GARRE1: variants seen among roughly 807,000 people sequenced by gnomAD.
GARRE1 encodes granule associated Rac and RHOG effector protein 1.
Under a neutral mutation model 103.2 loss-of-function variants are expected in GARRE1, and 49 were observed. That is an observed-to-expected ratio of 0.47 (90% CI 0.38 to 0.60). The LOEUF is 0.60. GARRE1 is among the 20% of genes least tolerant of loss of function. The probability of loss-of-function intolerance (pLI) is 0.00; values close to 1 mark genes in which losing one functional copy is unlikely to be tolerated. For missense variants in GARRE1, 1,199 were observed against 1,370.5 expected (o/e 0.87, Z 1.98); for synonymous variants, 505 against 532.8 (o/e 0.95, Z 0.72).
chr19:34,344,316 C>T (rs530535058), intron 10 of GARRE1, among the ~76,000 whole-genome samples: 132 of 152,200 alleles, frequency 8.7e-4, no homozygotes, highest in African/African-American at 3.0e-3. Flanking sequence ...CCAGGCCGGG[C>T]GCTGTGGCTC....
At chr19:34,274,428 T>A (rs2073805230) in intron 1 of GARRE1, among the ~76,000 whole-genome samples, 1 of 152,088 alleles carries the variant, frequency 6.6e-6, no homozygotes, top group Non-Finnish European at 1.5e-5. Context: ...AGGATAAGAC[T>A]GTGATTAATT....
intron 6 of GARRE1, 116 bp downstream of exon 6, chr19:34,328,267 GGCTCAC>G (rs1373019348): frequency 8.6e-5 from 99 of 1,157,490 alleles, no homozygotes; most frequent in Non-Finnish European, 1.1e-4. Flanking sequence ...CGGGCGTGGT[GGCTCAC>G]GCCTGTAATC....
chr19:34,284,866 G>A (rs1454710928), intron 1 of GARRE1, among the ~76,000 whole-genome samples: 1 of 152,168 alleles, frequency 6.6e-6, no homozygotes, highest in Non-Finnish European at 1.5e-5. Flanking sequence ...CATTTAGACA[G>A]CATTAAGAAG....
In GARRE1 at chr19:34,320,154, A is replaced by C. The variant is rs775275173; in HGVS notation, c.705+38A>C. Reference sequence around the variant, plus strand: ...TTGGGGAGATTGGTGCCTGTGTTCAAATAGGAGAGGCTCCAGAGGGCCTTT... The same window carrying C: ...TTGGGGAGATTGGTGCCTGTGTTCACATAGGAGAGGCTCCAGAGGGCCTTT... On this transcript the variant is annotated intron_variant, in intron 3 of 13. Transcript: ENST00000299505. 58 of 1,564,548 alleles carry C rather than the reference A, an allele frequency of 3.7e-5. 1 individual carries two copies. The highest frequency in any genetic ancestry group is 5.4e-5 in the African/African-American group (4 of 73,930).
chr19:34,339,381 T>G (rs2074175509), intron 8 of GARRE1, among the ~76,000 whole-genome samples: 1 of 152,212 alleles, frequency 6.6e-6, no homozygotes. Flanking sequence ...AGATACAGAT[T>G]AACAGCCAGG....
chr19:34,347,976 G>C lies in GARRE1; in HGVS notation c.2621G>C (p.Arg874Pro), dbSNP rs146017138. ...CACGGTCGCCGGCCAGGCAACCCCC[G>C]GGGCAACTGGCCGCCTATGGATGAC... ...AQHGRRPGNP[R>P]GNWPPMDDAH... The change falls in exon 11 of 14, where the codon CGG becomes CCG. Residue 874 changes from arginine to proline, a missense_variant. Arg to Pro is a moderately radical substitution (Grantham distance 103). Transcript: ENST00000299505. 16 of 1,584,172 alleles carry C rather than the reference G, an allele frequency of 1.0e-5. No individual in the cohort carries two copies. The highest frequency in any genetic ancestry group is 1.4e-5 in the Non-Finnish European group (16 of 1,163,390).
rs1275554639 is a variant in GARRE1, at chr19:34,279,869, C to T, written c.-795-19810C>T. ...GCGTAGTGGCGGGCGCCTGTAGTCCCAGCTACTTGGGAGGCTGAGGCAGGA... is the reference window on the plus strand; with the variant it reads ...GCGTAGTGGCGGGCGCCTGTAGTCCTAGCTACTTGGGAGGCTGAGGCAGGA... On this transcript the variant is annotated intron_variant, in intron 1 of 13. Transcript: ENST00000299505. 2.7e-5 allele frequency among the ~76,000 whole-genome samples: 4 copies of T among 149,988 alleles called. No individual in the cohort carries two copies. In the East Asian group the frequency reaches 5.9e-4, roughly 22 times the overall value.
At position 34,327,428 on chromosome 19, in the gene GARRE1, C is replaced by G; in HGVS notation, c.713C>G (p.Ser238Cys). Residue 238 changes from serine (S) to cysteine (C), a missense_variant, in exon 4 of 14, where the codon TCT becomes TGT. Coordinates refer to ENST00000299505, the MANE Select transcript of GARRE1 (RefSeq NM_014686.5). ...TTACTATATATGTTACAGGCGACAT[C>G]TAGACTAAGAGAAAGAGGCTGTGAT... ...RSWRGAAEAT[S>C]RLRERGCDGC... The G allele has an allele frequency of 6.2e-7, 1 of 1,614,054 alleles. No homozygotes were observed. Among genetic ancestry groups the G allele is most frequent in the Non-Finnish European group, 8.5e-7 (1 of 1,180,006 alleles).
chr19:34,321,352 A>T (rs1322804825), intron 3 of GARRE1, among the ~76,000 whole-genome samples: 3 of 150,514 alleles, frequency 2.0e-5, no homozygotes, highest in Non-Finnish European at 4.4e-5. Context: ...CTGGGATTAC[A>T]GATTTGGACA....
intron 2 of GARRE1, among the ~76,000 whole-genome samples, chr19:34,309,095 C>T (rs1355850741): frequency 6.6e-6 from 1 of 151,852 alleles, no homozygotes; most frequent in Non-Finnish European, 1.5e-5. Context: ...AAAACAAACC[C>T]TGAAATAATC....
At chr19:34,324,283 T>C (rs1182960195) in intron 3 of GARRE1, among the ~76,000 whole-genome samples, 1 of 152,222 alleles carries the variant, frequency 6.6e-6, no homozygotes, top group African/African-American at 2.4e-5. Context: ...TCATTCATTC[T>C]AAAAAATTAC....
intron 1 of GARRE1, among the ~76,000 whole-genome samples, chr19:34,255,940 C>G (rs190926334): frequency 9.9e-5 from 15 of 151,780 alleles, no homozygotes; most frequent in Middle Eastern, 3.4e-3. Flanking sequence ...CTCCCGGGTT[C>G]GAGCGATTCT....
In GARRE1 at chr19:34,300,286, TATTA is replaced by T; in HGVS notation, c.-183_-180del. On this transcript the variant is annotated 5_prime_UTR_variant, in exon 2 of 14. Transcript: ENST00000299505. ...TCAGAGATCCTGTCTACACTGAAAATATTAATTATATAAACCTGTTGTCTCTCAC... is the reference window on the plus strand; with the variant it reads ...TCAGAGATCCTGTCTACACTGAAAATATTATATAAACCTGTTGTCTCTCAC... 1 of 515,420 alleles carries T rather than the reference TATTA, an allele frequency of 1.9e-6. No homozygotes were observed. Among genetic ancestry groups the T allele is most frequent in the Non-Finnish European group, 3.3e-6 (1 of 304,686 alleles). 31.9% of individuals were successfully genotyped at this position (515,420 alleles called of 1,614,324 possible). A position where few individuals can be genotyped will look rare whatever the true frequency, so the allele number is the denominator to read the frequency against.
intron 1 of GARRE1, among the ~76,000 whole-genome samples, chr19:34,268,399 T>C (rs922711352): frequency 1.3e-5 from 2 of 152,204 alleles, no homozygotes; most frequent in African/African-American, 4.8e-5. Context: ...CCTTTGAAGA[T>C]CTCTGTTTAA....
intron 2 of GARRE1, among the ~76,000 whole-genome samples, chr19:34,302,304 T>TTC (rs2073984284): frequency 6.9e-6 from 1 of 144,994 alleles, no homozygotes; most frequent in Admixed American, 6.9e-5. Flanking sequence ...TTTTTTTTTT[T>TTC]TTTTTTTTGA....
At position 34,290,434 on chromosome 19, in the gene GARRE1, A is replaced by G. The variant is rs117395689; in HGVS notation, c.-795-9245A>G. 1.4e-4 allele frequency among the ~76,000 whole-genome samples: 22 copies of G among 152,288 alleles called. No homozygotes were observed. The East Asian group carries it at 4.2e-3, about 29-fold the overall frequency. On this transcript the variant is annotated intron_variant, in intron 1 of 13. Transcript: ENST00000299505. ...CATAGCTTAGCCTTGCCTACCTGAAATGTGCTAAGAGGACTTCACTTTAGC... is the reference window on the plus strand; with the variant it reads ...CATAGCTTAGCCTTGCCTACCTGAAGTGTGCTAAGAGGACTTCACTTTAGC...
intron 1 of GARRE1, among the ~76,000 whole-genome samples, chr19:34,262,102 A>G (rs2073721760): frequency 6.6e-6 from 1 of 151,836 alleles, no homozygotes; most frequent in African/African-American, 2.4e-5. Flanking sequence ...CTTCTGCCTC[A>G]GCCTCCCGAG....
At chr19:34,299,284 G>A (rs1424912400) in intron 1 of GARRE1, among the ~76,000 whole-genome samples, 1 of 152,052 alleles carries the variant, frequency 6.6e-6, no homozygotes, top group Non-Finnish European at 1.5e-5. Context: ...CTTTGCTGAT[G>A]CCCCATAAAG....
intron 1 of GARRE1, among the ~76,000 whole-genome samples, chr19:34,284,691 C>T (rs1395588552): frequency 5.3e-5 from 8 of 152,082 alleles, no homozygotes; most frequent in Admixed American, 3.3e-4. Context: ...TTTCACAATG[C>T]GTATTTATTT....
Sources: allele counts gnomAD v4.1 joint callset (sites outside exome capture counted in the v4.1 genomes callset), GRCh38; gene constraint gnomAD v4.1.1; transcripts MANE v1.5; gene names NCBI Gene and HGNC (gene_info 2026-07-23, HGNC 2026-07-21).